CERS3: variants seen among roughly 807,000 people sequenced by gnomAD.
The protein encoded by CERS3 is ceramide synthase 3, also known as LAG1 homolog, ceramide synthase 3.
In CERS3, 33 loss-of-function variants were observed where a neutral mutation model predicts 50.3. That is an observed-to-expected ratio of 0.66 (90% confidence interval 0.50 to 0.88). CERS3 has a LOEUF of 0.88. Ranked by LOEUF, CERS3 falls within the 40% of genes least tolerant of loss-of-function variation. CERS3 has a pLI of 0.00. For missense variants in CERS3, 470 were observed against 460.3 expected (o/e 1.02, Z -0.19); for synonymous variants, 176 against 155.2 (o/e 1.13, Z -0.99).
At chr15:100,442,544 C>A (rs1004617606) in intron 11 of CERS3, among the ~76,000 whole-genome samples, 1 of 152,182 alleles carries the variant, frequency 6.6e-6, no homozygotes, top group African/African-American at 2.4e-5. Flanking sequence ...AGAACTGCCT[C>A]CCCCAGGAGC....
intron 11 of CERS3, among the ~76,000 whole-genome samples, chr15:100,412,464 T>C (rs928289348): frequency 6.6e-6 from 1 of 152,206 alleles, no homozygotes; most frequent in Admixed American, 6.5e-5. Flanking sequence ...AGATTTGTAG[T>C]AAGTTTGGAA....
chr15:100,443,479 C>T (rs986221634), intron 11 of CERS3, among the ~76,000 whole-genome samples: 1 of 109,860 alleles, frequency 9.1e-6, no homozygotes, highest in Non-Finnish European at 2.2e-5. Context: ...TGGTGTCAAA[C>T]CCATATACTC....
intron 11 of CERS3, among the ~76,000 whole-genome samples, chr15:100,448,253 C>T (rs755310839): frequency 3.9e-5 from 6 of 152,124 alleles, no homozygotes; most frequent in Admixed American, 6.5e-5. Context: ...AACCAAATAG[C>T]GAGTAGATAA....
intron 11 of CERS3, among the ~76,000 whole-genome samples, chr15:100,428,876 A>G (rs1247857977): frequency 6.6e-6 from 1 of 152,266 alleles, no homozygotes; most frequent in Non-Finnish European, 1.5e-5. Flanking sequence ...CCTTAAGGAA[A>G]TGAACTCAAG....
At chr15:100,469,682 T>G (rs900116826) in intron 9 of CERS3, among the ~76,000 whole-genome samples, 198 bp from the exon 10 acceptor site, 4 of 152,234 alleles carry the variant, frequency 2.6e-5, no homozygotes, top group Non-Finnish European at 4.4e-5. Flanking sequence ...CATTATATGA[T>G]TCCCTTTATC....
chr15:100,481,320 T>A (rs527962333), intron 5 of CERS3, among the ~76,000 whole-genome samples: 204 of 152,278 alleles, frequency 1.3e-3, no homozygotes, highest in Non-Finnish European at 2.6e-3. Context: ...CTTGTTTTGA[T>A]AGGAGAAAAA....
intron 11 of CERS3, among the ~76,000 whole-genome samples, chr15:100,454,986 TCAA>T (rs1219581628): frequency 6.6e-6 from 1 of 152,106 alleles, no homozygotes; most frequent in African/African-American, 2.4e-5. Context: ...GAAAAAATGC[TCAA>T]CATCACTAAT....
chr15:100,477,591 T>A (rs1429849370), intron 7 of CERS3, among the ~76,000 whole-genome samples: 3 of 152,190 alleles, frequency 2.0e-5, no homozygotes, highest in African/African-American at 7.2e-5. Context: ...GTGAACCCTG[T>A]TTCTTGAGAA....
At chr15:100,483,581 A>G (rs1384347384) in intron 5 of CERS3, among the ~76,000 whole-genome samples, 1 of 151,970 alleles carries the variant, frequency 6.6e-6, no homozygotes, top group East Asian at 1.9e-4. Context: ...GGAGGTAAGC[A>G]TTAGGTGCCA....
At chr15:100,484,404 T>C (rs76945245) in intron 5 of CERS3, 146 bp downstream of exon 5, 7,796 of 616,966 alleles carry the variant, frequency 0.013, 446 homozygotes, top group African/African-American at 0.13. Context: ...AAGGCAAATA[T>C]GTGAGGAGCC....
At chr15:100,430,659 T>C (rs1218665262) in intron 11 of CERS3, among the ~76,000 whole-genome samples, 3 of 152,234 alleles carry the variant, frequency 2.0e-5, no homozygotes, top group African/African-American at 7.2e-5. Flanking sequence ...CAAAGAGCTA[T>C]ATAATAAGCA....
At chr15:100,498,806 C>G (rs2035908846) in intron 3 of CERS3, among the ~76,000 whole-genome samples, 2 of 152,204 alleles carry the variant, frequency 1.3e-5, no homozygotes, top group Admixed American at 1.3e-4. Flanking sequence ...GATACACTAG[C>G]CTATTGGCAT....
chr15:100,471,320 G>T (rs2034960710), intron 9 of CERS3, among the ~76,000 whole-genome samples: 1 of 151,958 alleles, frequency 6.6e-6, no homozygotes. Flanking sequence ...GGACAGATAT[G>T]AATTCTCATG....
chr15:100,448,857 A>G (rs1229610426), intron 11 of CERS3, among the ~76,000 whole-genome samples: 1 of 152,126 alleles, frequency 6.6e-6, no homozygotes, highest in African/African-American at 2.4e-5. Flanking sequence ...ACTGGCAGTG[A>G]CCCCACTTCC....
chr15:100,468,157 C>T (rs2142233165), intron 10 of CERS3, among the ~76,000 whole-genome samples: 1 of 152,222 alleles, frequency 6.6e-6, no homozygotes, highest in East Asian at 1.9e-4. Flanking sequence ...CTGAGATACT[C>T]ATTAATATGT....
At chr15:100,517,169 A>C (rs1213106139) in intron 2 of CERS3, among the ~76,000 whole-genome samples, 1 of 152,240 alleles carries the variant, frequency 6.6e-6, no homozygotes, top group Non-Finnish European at 1.5e-5. Flanking sequence ...ACAACATTTT[A>C]TGTTTATTTT....
chr15:100,537,497 A>G (rs961823104), intron 1 of CERS3, among the ~76,000 whole-genome samples: 11 of 152,216 alleles, frequency 7.2e-5, no homozygotes, highest in Non-Finnish European at 1.6e-4. Context: ...GGGAGGCCTC[A>G]GGGGACTTAC....
chr15:100,517,479 A>G lies in CERS3; in HGVS notation c.-2+4188T>C, dbSNP rs555245814. Among the ~76,000 whole-genome samples the G allele has an allele frequency of 6.6e-5, 10 of 152,226 alleles. No individual in the cohort carries two copies. In the East Asian group the frequency reaches 1.9e-3, roughly 30 times the overall value. ...TTCCTCAGTGACAGCAGGATTTCTT[A>G]CCTCATGAAACTTGCTTGGGCAGTG... On this transcript the variant is annotated intron_variant, in intron 2 of 11. Coordinates refer to ENST00000679737, the MANE Select transcript of CERS3 (RefSeq NM_001378789.1).
chr15:100,437,104 C>A (rs552228830), intron 11 of CERS3, among the ~76,000 whole-genome samples: 3 of 151,818 alleles, frequency 2.0e-5, no homozygotes, highest in Admixed American at 1.3e-4. Context: ...CCACCATGCC[C>A]GGCTAATTTT....
Sources: gnomAD v4.1 joint callset for allele counts (sites outside exome capture counted in the v4.1 genomes callset) on GRCh38, gnomAD v4.1.1 for gene constraint, MANE v1.5 for transcripts, NCBI Gene and HGNC (gene_info 2026-07-23, HGNC 2026-07-21) for gene names.